The following ATRX variants were observed in gnomAD, a reference collection of about 807,000 sequenced individuals.
ATRX encodes ATRX chromatin remodeler, also known as chromatin remodeler ATRX.
Under a neutral mutation model 172.6 loss-of-function variants are expected in ATRX, and 12 were observed. That is an observed-to-expected ratio of 0.07 (90% CI 0.04 to 0.11). The LOEUF (loss-of-function observed/expected upper bound fraction) is 0.11. Ranked by LOEUF, ATRX falls within the 10% of genes least tolerant of loss-of-function variation. The pLI is 1.00. For missense variants in ATRX, 1,368 were observed against 1,767.4 expected (o/e 0.77, Z 4.05); for synonymous variants, 674 against 594.7 (o/e 1.13, Z -1.94).
intron 20 of ATRX, among the ~76,000 whole-genome samples, chrX:77,619,227 C>G (rs1315695988): frequency 9.0e-6 from 1 of 110,896 alleles, no homozygotes; most frequent in Non-Finnish European, 1.9e-5. Flanking sequence ...TTTAAAAATA[C>G]CTAAGGACAG....
Position 77,703,936 on chromosome X carries a change from G to A in ATRX, c.134-5307C>T, listed in dbSNP as rs185034324. Among the ~76,000 whole-genome samples the A allele has an allele frequency of 1.8e-3, 205 of 111,044 alleles. 2 individuals are homozygous for A. Among genetic ancestry groups the A allele is most frequent in the African/African-American group, 6.1e-3 (185 of 30,569 alleles). ...ACAAGTGTTCAGCTCCTAGCAGAGA[G>A]GGTGGTTCTTCTCTGCTAGGCAAGT... On this transcript the variant is annotated intron_variant, in intron 2 of 34. Coordinates refer to ENST00000373344, the MANE Select transcript of ATRX (RefSeq NM_000489.6).
At chrX:77,745,573 A>G (rs781920120) in intron 1 of ATRX, among the ~76,000 whole-genome samples, 11 of 111,598 alleles carry the variant, frequency 9.9e-5, no homozygotes, top group Non-Finnish European at 1.7e-4. Context: ...GAGTAGAATG[A>G]TGGTTACCAG....
rs782390532 is a variant in ATRX, at chrX:77,775,715, C to A, written c.20+10267G>T. On this transcript the variant is annotated intron_variant, in intron 1 of 34. Transcript: ENST00000373344. ...AAAACAAAAATTAAAAACAATAATT[C>A]TTTATTTATTTATTTATTTATTTAT... 1.0e-3 allele frequency among the ~76,000 whole-genome samples: 104 copies of A among 100,328 alleles called. 2 individuals are homozygous for A. The South Asian group carries it at 0.045, about 43-fold the overall frequency. The allele number at this position is 100,328 out of a possible 115,157, so 87.1% of individuals were successfully genotyped here.
rs928251932 is a variant in ATRX, at chrX:77,736,966, G to A, written c.21-19723C>T. On this transcript the variant is annotated intron_variant, in intron 1 of 34. Coordinates refer to ENST00000373344, the MANE Select transcript of ATRX (RefSeq NM_000489.6). ...TATTATGCTAAGTGAAATAAGCCAG[G>A]CACAGAAAGACCAACATTGCATATT... Among the ~76,000 whole-genome samples, 7 of 111,538 alleles carry A rather than the reference G, an allele frequency of 6.3e-5. No individual in the cohort carries two copies. In the South Asian group the frequency reaches 2.6e-3, roughly 42 times the overall value.
At position 77,733,191 on chromosome X, in the gene ATRX, C is replaced by T. The variant is rs782675097; in HGVS notation, c.21-15948G>A. 5.4e-5 allele frequency among the ~76,000 whole-genome samples: 6 copies of T among 111,764 alleles called. No homozygotes were observed. In the South Asian group the frequency reaches 2.2e-3, roughly 41 times the overall value. On this transcript the variant is annotated intron_variant, in intron 1 of 34. Transcript: ENST00000373344. Reference sequence around the variant, plus strand: ...TGTAAAGATATTTCATGTTCATGGACTGGAAGAATCAATATTGTTAAACTG... The same window carrying T: ...TGTAAAGATATTTCATGTTCATGGATTGGAAGAATCAATATTGTTAAACTG...
intron 1 of ATRX, among the ~76,000 whole-genome samples, chrX:77,727,396 C>A (rs1415128545): frequency 4.5e-5 from 5 of 111,488 alleles, no homozygotes; most frequent in Non-Finnish European, 9.4e-5. Context: ...TTTACTGCAG[C>A]ACTATTCACA....
chrX:77,700,507 A>T (rs1432089783), intron 2 of ATRX, among the ~76,000 whole-genome samples: 2 of 112,502 alleles, frequency 1.8e-5, no homozygotes, highest in Non-Finnish European at 3.7e-5. Flanking sequence ...AGCTGAAAAC[A>T]TACATCCACA....
At chrX:77,726,935 A>T (rs1234337779) in intron 1 of ATRX, among the ~76,000 whole-genome samples, 1 of 111,006 alleles carries the variant, frequency 9.0e-6, no homozygotes, top group East Asian at 2.8e-4. Context: ...TTTTTTATCC[A>T]TCTGACAAAG....
chrX:77,717,678 C>T (rs1163590125), intron 1 of ATRX, among the ~76,000 whole-genome samples: 1 of 109,764 alleles, frequency 9.1e-6, no homozygotes, highest in African/African-American at 3.3e-5. Flanking sequence ...TGTACACTTA[C>T]CTAGGATTAA....
chrX:77,659,286 AAC>A (rs1247976591), intron 12 of ATRX, among the ~76,000 whole-genome samples: 1 of 111,172 alleles, frequency 9.0e-6, no homozygotes, highest in Admixed American at 9.6e-5. Flanking sequence ...GAATACCAAA[AAC>A]ACACACACTG....
At chrX:77,511,563 G>A (rs1557036523) in intron 34 of ATRX, among the ~76,000 whole-genome samples, 2 of 111,580 alleles carry the variant, frequency 1.8e-5, no homozygotes, top group Admixed American at 1.9e-4. Flanking sequence ...TGAAATTCAA[G>A]ATAATATGGA....
At chrX:77,538,230 A>AC (rs2063827076) in intron 30 of ATRX, among the ~76,000 whole-genome samples, 4 of 95,992 alleles carry the variant, frequency 4.2e-5, no homozygotes, top group South Asian at 4.9e-4. Context: ...TACACACACA[A>AC]ACACACACAC....
intron 5 of ATRX, among the ~76,000 whole-genome samples, chrX:77,696,051 T>C (rs782642078): frequency 8.9e-6 from 1 of 112,113 alleles, no homozygotes; most frequent in African/African-American, 3.2e-5. Flanking sequence ...TGGTTAGAAC[T>C]TCAACAGTTG....
chrX:77,685,872 A>G (rs2071524367), intron 7 of ATRX, among the ~76,000 whole-genome samples: 1 of 112,244 alleles, frequency 8.9e-6, no homozygotes, highest in Non-Finnish European at 1.9e-5. Context: ...AAAAAGAATG[A>G]GATCCTGTCA....
intron 15 of ATRX, among the ~76,000 whole-genome samples, chrX:77,651,744 G>A (rs782156448): frequency 3.6e-5 from 4 of 110,261 alleles, no homozygotes; most frequent in Admixed American, 1.9e-4. Flanking sequence ...CTGTAGTCCC[G>A]GCCACTTGGG....
intron 7 of ATRX, among the ~76,000 whole-genome samples, chrX:77,685,774 G>C (rs185203646): frequency 8.5e-4 from 95 of 111,939 alleles, no homozygotes; most frequent in African/African-American, 2.9e-3. Context: ...CAATAGCAAA[G>C]ATTTGGAAGC....
intron 28 of ATRX, 70 bp downstream of exon 28, chrX:77,574,180 T>C (rs1376389290): frequency 5.1e-5 from 39 of 759,475 alleles, no homozygotes; most frequent in Non-Finnish European, 7.1e-5. Context: ...ACAATAAAAA[T>C]AGTGAACTTT....
rs191786635 is a variant in ATRX, at chrX:77,551,185, G to T, written c.6699+6266C>A. Among the ~76,000 whole-genome samples the T allele has an allele frequency of 2.1e-3, 232 of 110,830 alleles. 2 individuals carry two copies. The highest frequency in any genetic ancestry group is 3.0e-3 in the Non-Finnish European group (159 of 52,870). On this transcript the variant is annotated intron_variant, in intron 30 of 34. Transcript: ENST00000373344. ...CAATCCTAAGCCAAAAGAACAAAGC[G>T]GGAGGCATCACGCTACCTGACTTCA...
intron 30 of ATRX, among the ~76,000 whole-genome samples, chrX:77,539,128 C>T (rs1238096924): frequency 6.4e-5 from 7 of 110,041 alleles, no homozygotes; most frequent in Non-Finnish European, 1.1e-4. Flanking sequence ...CTCTTGACCT[C>T]GTGATCCGCC....
Sources: gnomAD v4.1 joint callset for allele counts (sites outside exome capture counted in the v4.1 genomes callset) on GRCh38, gnomAD v4.1.1 for gene constraint, MANE v1.5 for transcripts, NCBI Gene and HGNC (gene_info 2026-07-23, HGNC 2026-07-21) for gene names.